PHF24: variants seen among roughly 807,000 people sequenced by gnomAD.
PHF24 encodes the protein PHD finger protein 24, also known as Galpha inhibitory interacting protein.
A neutral mutation model predicts 42.6 loss-of-function variants in PHF24; 25 were observed. That is an observed-to-expected ratio of 0.59 (90% confidence interval 0.43 to 0.82). The LOEUF (loss-of-function observed/expected upper bound fraction) is 0.82. Among genes scored for constraint, PHF24 ranks in the 40% least tolerant of loss-of-function variants. The pLI, the probability that PHF24 is intolerant of heterozygous loss-of-function variation, is 0.00. For synonymous variants in PHF24, 185 were observed against 204.8 expected (o/e 0.90, Z 0.83); for missense variants, 470 against 538.1 (o/e 0.87, Z 1.25).
the PHF24 span, among the ~76,000 whole-genome samples, chr9:34,774,714 A>C: frequency 6.6e-6 from 1 of 151,818 alleles, no homozygotes; most frequent in African/African-American, 2.4e-5. Context: ...CAGAGGTTGG[A>C]GTGAGCAGAG....
chr9:34,918,302 C>T, the PHF24 span: 5 of 1,091,802 alleles, frequency 4.6e-6, no homozygotes, highest in African/African-American at 7.7e-5. Context: ...ACTAAGTGGA[C>T]TAGACCTCCA....
At chr9:34,938,635 G>T in the PHF24 span, among the ~76,000 whole-genome samples, 2 of 152,118 alleles carry the variant, frequency 1.3e-5, no homozygotes, top group African/African-American at 4.8e-5. Context: ...GGTTAAAAAA[G>T]CCATGAGCCT....
chr9:34,783,619 G>A, the PHF24 span, among the ~76,000 whole-genome samples: 2 of 152,016 alleles, frequency 1.3e-5, no homozygotes, highest in Non-Finnish European at 2.9e-5. Flanking sequence ...ACCATATTAT[G>A]TCTCCCTTAT....
chr9:34,695,070 G>A, the PHF24 span, among the ~76,000 whole-genome samples: 1 of 152,198 alleles, frequency 6.6e-6, no homozygotes, highest in South Asian at 2.1e-4. Context: ...CTGGATGGGA[G>A]CTAGTCAGCA....
the PHF24 span, among the ~76,000 whole-genome samples, chr9:34,746,899 A>G: frequency 0.29 from 44,274 of 152,108 alleles, 6,909 homozygotes; most frequent in Admixed American, 0.35. Context: ...AGAATATAAC[A>G]TAGAAGACTA....
At chr9:34,742,361 A>G in the PHF24 span, among the ~76,000 whole-genome samples, 1 of 152,148 alleles carries the variant, frequency 6.6e-6, no homozygotes, top group Non-Finnish European at 1.5e-5. Context: ...GAGGGGACCA[A>G]TGACCTTGGA....
chr9:34,790,501 A>C, the PHF24 span, among the ~76,000 whole-genome samples: 125 of 152,314 alleles, frequency 8.2e-4, no homozygotes, highest in African/African-American at 2.7e-3. Flanking sequence ...ATAAGTACTT[A>C]GCAATCTAAG....
At chr9:34,968,213 C>G (rs142858685) in intron 1 of PHF24, among the ~76,000 whole-genome samples, 98 of 152,234 alleles carry the variant, frequency 6.4e-4, no homozygotes, top group African/African-American at 1.8e-3. Flanking sequence ...GTTGTTTAGT[C>G]TTTCGTGGTA....
At chr9:34,946,710 T>A in the PHF24 span, among the ~76,000 whole-genome samples, 1 of 152,116 alleles carries the variant, frequency 6.6e-6, no homozygotes, top group African/African-American at 2.4e-5. Flanking sequence ...TACCCAGGGA[T>A]TGGTCTTACA....
At chr9:34,748,528 TAG>T in the PHF24 span, among the ~76,000 whole-genome samples, 1 of 152,218 alleles carries the variant, frequency 6.6e-6, no homozygotes, top group African/African-American at 2.4e-5. Context: ...TGGCTCAGCA[TAG>T]AGAGACTCTG....
At chr9:34,873,598 G>C in the PHF24 span, among the ~76,000 whole-genome samples, 2 of 151,814 alleles carry the variant, frequency 1.3e-5, no homozygotes, top group African/African-American at 2.4e-5. Context: ...TGCTGTTTTG[G>C]TTACTGTAGC....
the PHF24 span, chr9:34,709,463 G>A: frequency 3.7e-6 from 6 of 1,613,314 alleles, no homozygotes; most frequent in African/African-American, 6.7e-5. Flanking sequence ...GGGGCTGACT[G>A]AGGCTCCCCT....
At chr9:34,836,981 A>C in the PHF24 span, 1 of 415,086 alleles carries the variant, frequency 2.4e-6, no homozygotes, top group African/African-American at 2.1e-5. Flanking sequence ...GCCATTTTCC[A>C]TCTCCTCAGT....
chr9:34,977,116 C>T (rs1310156704), exon 6 of PHF24: 5 of 1,611,712 alleles, frequency 3.1e-6, no homozygotes, highest in Non-Finnish European at 3.4e-6. Context: ...AGTGAAGGAG[C>T]GGGAGCGAGC....
the PHF24 span, among the ~76,000 whole-genome samples, chr9:34,793,853 T>C: frequency 6.6e-6 from 1 of 151,286 alleles, no homozygotes; most frequent in Non-Finnish European, 1.5e-5. Flanking sequence ...CTTTCTACTA[T>C]AATCAGAGGA....
chr9:34,937,012 CGGGA>C, the PHF24 span, among the ~76,000 whole-genome samples: 36 of 62,102 alleles, frequency 5.8e-4, no homozygotes, highest in East Asian at 1.7e-3. Flanking sequence ...CCGCCCCGTC[CGGGA>C]GGGAGGTGGG....
At chr9:34,972,465 A>C (rs752874117) in exon 3 of PHF24, 9 of 1,614,152 alleles carry the variant, frequency 5.6e-6, no homozygotes, top group Non-Finnish European at 7.6e-6. Context: ...GCTACATCCA[A>C]GGAGACAGTG....
chr9:34,782,048 CT>C, the PHF24 span, among the ~76,000 whole-genome samples: 1 of 152,178 alleles, frequency 6.6e-6, no homozygotes, highest in Non-Finnish European at 1.5e-5. Flanking sequence ...GGTACATGAG[CT>C]AGCTCTGGAA....
chr9:34,846,291 C>G, the PHF24 span, among the ~76,000 whole-genome samples: 4 of 152,128 alleles, frequency 2.6e-5, no homozygotes, highest in African/African-American at 9.7e-5. Flanking sequence ...GATTGCCATT[C>G]TAACTGGTGT....
Sources: gnomAD v4.1 joint callset for allele counts (sites outside exome capture counted in the v4.1 genomes callset) on GRCh38, gnomAD v4.1.1 for gene constraint, MANE v1.5 for transcripts, NCBI Gene and HGNC (gene_info 2026-07-23, HGNC 2026-07-21) for gene names.